Variants in RNF185 observed in about 807,000 individuals in gnomAD.
RNF185 encodes ring finger protein 185.
In RNF185, 13 loss-of-function variants were observed where a neutral mutation model predicts 24.9. That is an observed-to-expected ratio of 0.52 (90% CI 0.34 to 0.83). RNF185 has a LOEUF of 0.83. Among genes scored for constraint, RNF185 ranks in the 40% least tolerant of loss-of-function variants. RNF185 has a pLI of 0.01. For synonymous variants in RNF185, 79 were observed against 90.3 expected, an observed-to-expected ratio of 0.88 and a Z score of 0.71; for missense variants, 184 against 244.7, an observed-to-expected ratio of 0.75 and a Z score of 1.65.
chr22:31,203,559 G>A (rs1466861266), intron 6 of RNF185, among the ~76,000 whole-genome samples: 1 of 152,146 alleles, frequency 6.6e-6, no homozygotes, highest in Non-Finnish European at 1.5e-5. Context: ...AAAACACTTA[G>A]CAGATAGAAG....
intron 1 of RNF185, among the ~76,000 whole-genome samples, chr22:31,168,684 CAG>C (rs1924089479): frequency 6.6e-6 from 1 of 152,172 alleles, no homozygotes; most frequent in Admixed American, 6.5e-5. Flanking sequence ...TTCCCACCAA[CAG>C]AGCACAGGGG....
At chr22:31,195,825 T>C (rs2048200392) in intron 4 of RNF185, among the ~76,000 whole-genome samples, 1 of 152,142 alleles carries the variant, frequency 6.6e-6, no homozygotes, top group South Asian at 2.1e-4. Flanking sequence ...TGAAAGAGCA[T>C]TTCTGCAACC....
chr22:31,191,886 A>AT (rs924123897), intron 2 of RNF185, among the ~76,000 whole-genome samples: 57 of 145,194 alleles, frequency 3.9e-4, no homozygotes, highest in Admixed American at 9.7e-4. Flanking sequence ...TGTAGATATC[A>AT]TTTTTTTTTT....
chr22:31,202,228 C>T lies in RNF185; in HGVS notation c.481+613C>T, dbSNP rs150151820. On this transcript the variant is annotated intron_variant, in intron 6 of 6. Coordinates refer to ENST00000326132, the MANE Select transcript of RNF185 (RefSeq NM_152267.4). ...ATCCGCATTCGGTATAGAGCCCTTG[C>T]TCTATAGGTGCAAGCCACCTCTATG... Among the ~76,000 whole-genome samples the T allele has an allele frequency of 5.4e-3, 826 of 152,182 alleles. 9 individuals are homozygous for T. The highest frequency in any genetic ancestry group is 8.7e-3 in the Non-Finnish European group (593 of 67,992).
intron 1 of RNF185, among the ~76,000 whole-genome samples, chr22:31,163,066 C>G (rs1271116959): frequency 2.6e-5 from 4 of 151,908 alleles, no homozygotes; most frequent in Non-Finnish European, 5.9e-5. Flanking sequence ...GTCTGGCCTG[C>G]TTTTTACATT....
chr22:31,178,227 A>G (rs2413033), intron 1 of RNF185, among the ~76,000 whole-genome samples: 120,595 of 152,226 alleles, frequency 0.79, 48,714 homozygotes, highest in African/African-American at 0.95. Context: ...AATGCTGATT[A>G]ATCTGAATTC....
intron 1 of RNF185, among the ~76,000 whole-genome samples, chr22:31,185,252 T>G (rs185647417): frequency 3.4e-4 from 52 of 152,274 alleles, no homozygotes; most frequent in Admixed American, 1.2e-3. Flanking sequence ...TGAGCTGGCC[T>G]CCTCTCTCTG....
chr22:31,197,531 A>C (rs2048217916), intron 5 of RNF185, among the ~76,000 whole-genome samples: 1 of 152,190 alleles, frequency 6.6e-6, no homozygotes. Flanking sequence ...TGATGAACTT[A>C]CAGATAAATT....
At chr22:31,177,291 A>C (rs2047992518) in intron 1 of RNF185, among the ~76,000 whole-genome samples, 1 of 151,862 alleles carries the variant, frequency 6.6e-6, no homozygotes. Context: ...AGGATCTTTA[A>C]TGAATCTTTG....
chr22:31,178,193 A>T (rs1366788200), intron 1 of RNF185, among the ~76,000 whole-genome samples: 1 of 152,222 alleles, frequency 6.6e-6, no homozygotes, highest in Non-Finnish European at 1.5e-5. Flanking sequence ...TCTTAAAATG[A>T]TCAGCTGTGT....
At chr22:31,202,536 CCTGT>C (rs1034679104) in intron 6 of RNF185, among the ~76,000 whole-genome samples, 2 of 151,594 alleles carry the variant, frequency 1.3e-5, no homozygotes, top group African/African-American at 4.9e-5. Flanking sequence ...TGCCTGCCTG[CCTGT>C]CTGTCTTCGT....
intron 1 of RNF185, among the ~76,000 whole-genome samples, chr22:31,166,523 T>A (rs1338521892): frequency 6.6e-6 from 1 of 152,174 alleles, no homozygotes; most frequent in Non-Finnish European, 1.5e-5. Flanking sequence ...TTAATTTTAA[T>A]GTCTCCATGT....
intron 2 of RNF185, 129 bp downstream of exon 2, chr22:31,187,399 C>A: frequency 1.0e-6 from 1 of 975,356 alleles, no homozygotes; most frequent in Non-Finnish European, 1.5e-6. Context: ...GACAAGAGAC[C>A]TGAGTTCCCA....
intron 5 of RNF185, among the ~76,000 whole-genome samples, chr22:31,199,938 T>C (rs2048244479): frequency 1.3e-5 from 2 of 152,234 alleles, no homozygotes; most frequent in African/African-American, 4.8e-5. Context: ...CATTGAGCTC[T>C]TTGTGAAGAG....
intron 1 of RNF185, among the ~76,000 whole-genome samples, chr22:31,167,269 G>A (rs959454880): frequency 6.6e-6 from 1 of 152,104 alleles, no homozygotes; most frequent in African/African-American, 2.4e-5. Context: ...TGAGGCTCAA[G>A]CAATCCTCTT....
intron 2 of RNF185, among the ~76,000 whole-genome samples, chr22:31,192,214 CT>C (rs1324994146): frequency 6.6e-6 from 1 of 152,184 alleles, no homozygotes; most frequent in African/African-American, 2.4e-5. Context: ...CCACACATCC[CT>C]TGTGAGCCCG....
In RNF185 at chr22:31,187,081, G is replaced by A. The variant is rs1254538439; in HGVS notation, c.-14G>A. 7.5e-6 allele frequency: 12 copies of A among 1,599,860 alleles called. No homozygotes were observed. The highest frequency in any genetic ancestry group is 3.3e-5 in the South Asian group (3 of 90,056). ...GGGGAAAGTCTTCACTCAGAGCTTC[G>A]CTGACAGCCAAGGATGGCAAGCAAG... On this transcript the variant is annotated 5_prime_UTR_variant, in exon 2 of 7. Transcript: ENST00000326132.
chr22:31,161,701 T>C (rs1923584406), intron 1 of RNF185, among the ~76,000 whole-genome samples: 1 of 152,220 alleles, frequency 6.6e-6, no homozygotes, highest in African/African-American at 2.4e-5. Flanking sequence ...CTTGAGGTTG[T>C]TCAGACCAGC....
chr22:31,202,631 G>C (rs1335008270), intron 6 of RNF185, among the ~76,000 whole-genome samples: 1 of 41,468 alleles, frequency 2.4e-5, no homozygotes, highest in African/African-American at 7.6e-5. Context: ...TTTTTTTTTT[G>C]AGATGGAGTC....
Sources: gnomAD v4.1 joint callset for allele counts (sites outside exome capture counted in the v4.1 genomes callset) on GRCh38, gnomAD v4.1.1 for gene constraint, MANE v1.5 for transcripts, NCBI Gene and HGNC (gene_info 2026-07-23, HGNC 2026-07-21) for gene names.